Variants in ESS2 observed in about 807,000 individuals in gnomAD.
ESS2 encodes ess-2 spliceosome associated protein.
In ESS2, 31 loss-of-function variants were observed where a neutral mutation model predicts 52.0. That is an observed-to-expected ratio of 0.60 (90% CI 0.45 to 0.81). The LOEUF (loss-of-function observed/expected upper bound fraction) is 0.81, where lower values mean the gene tolerates loss of function less well. ESS2 is among the 30% of genes least tolerant of loss of function. The pLI is 0.00. For synonymous variants in ESS2, 285 were observed against 259.2 expected (o/e 1.10, Z -0.95); for missense variants, 602 against 637.2 (o/e 0.94, Z 0.59).
At position 19,134,494 on chromosome 22, in the gene ESS2, T is replaced by C. The variant is rs1601342795; in HGVS notation, c.1152-19A>G. ...GGTGAGGCTGGGGTGGAGGAATGGG[T>C]GAGAGAGGCAGGGTTAGGTGGGCTG... On this transcript the variant is annotated intron_variant, in intron 9 of 9. Coordinates refer to ENST00000252137, the MANE Select transcript of ESS2 (RefSeq NM_022719.3). 2 of 1,513,368 alleles carry C rather than the reference T, an allele frequency of 1.3e-6. 1 individual carries two copies. The highest frequency in any genetic ancestry group is 2.6e-5 in the South Asian group (2 of 77,470). The allele number at this position is 1,513,368 out of a possible 1,614,324, so 93.7% of individuals were successfully genotyped here.
Position 19,132,779 on chromosome 22 carries a change from C to T in ESS2, c.*1417G>A, listed in dbSNP as rs1042328210. On this transcript the variant is annotated 3_prime_UTR_variant, in exon 10 of 10. Coordinates refer to ENST00000252137, the MANE Select transcript of ESS2 (RefSeq NM_022719.3). This position sits in a 1 kb window ranked among gnomAD's most constrained non-coding sequence, Gnocchi z 4.2. Reference sequence around the variant, plus strand: ...CACCTGACACACAGTGGTCTCCGGCCTAGGAGCACAGGACAGATGCTCAGG... The same window carrying T: ...CACCTGACACACAGTGGTCTCCGGCTTAGGAGCACAGGACAGATGCTCAGG... 3.1e-5 allele frequency: 12 copies of T among 386,888 alleles called. No individual in the cohort carries two copies. The highest frequency in any genetic ancestry group is 5.2e-5 in the Non-Finnish European group (11 of 209,574). The allele number at this position is 386,888 out of a possible 1,614,324, so 24.0% of individuals were successfully genotyped here. A position where few individuals can be genotyped will look rare whatever the true frequency, so the allele number is the denominator to read the frequency against.
At position 19,136,818 on chromosome 22, in the gene ESS2, G is replaced by A. The variant is rs2083590118; in HGVS notation, c.1035+505C>T. ...CCTGTACTAAGTATTCTGGGGAAAG[G>A]CCCGCAGTGGTATGGGGAGGCCTGT... On this transcript the variant is annotated intron_variant, in intron 8 of 9. Transcript: ENST00000252137. 2.0e-5 allele frequency among the ~76,000 whole-genome samples: 3 copies of A among 152,108 alleles called. No homozygotes were observed. The South Asian group carries it at 6.2e-4, about 32-fold the overall frequency.
intron 5 of ESS2, 111 bp downstream of exon 5, chr22:19,139,501 A>G: frequency 1.5e-6 from 2 of 1,292,658 alleles, no homozygotes; most frequent in South Asian, 2.5e-5. Context: ...TCAGAAGCCC[A>G]AACTGCAAGG....
chr22:19,141,966 G>A (rs999918609), intron 3 of ESS2, among the ~76,000 whole-genome samples: 5 of 151,986 alleles, frequency 3.3e-5, no homozygotes, highest in African/African-American at 1.2e-4. Context: ...CTCCAGCCTG[G>A]GTGACAGAGC....
chr22:19,135,020 G>A (rs752886497), intron 9 of ESS2, 40 bp downstream of exon 9: 1 of 1,585,414 alleles, frequency 6.3e-7, no homozygotes, highest in East Asian at 2.2e-5. Flanking sequence ...GCAGGCCAGA[G>A]CCACCCTCGC....
At position 19,131,821 on chromosome 22, in the gene ESS2, A is replaced by G. The variant is rs760465767; in HGVS notation, c.*2375T>C. 6.2e-7 allele frequency: 1 copy of G among 1,613,968 alleles called. No individual in the cohort carries two copies. On this transcript the variant is annotated 3_prime_UTR_variant, in exon 10 of 10. Transcript: ENST00000252137. The surrounding 1 kb of genome is among the most constrained non-coding windows in gnomAD (Gnocchi z 5.7). Reference sequence around the variant, plus strand: ...GTCCACCGGGACCTCAAGTGCGAGAACCTTCTCCTCGACAAGGACTTCAAC... The same window carrying G: ...GTCCACCGGGACCTCAAGTGCGAGAGCCTTCTCCTCGACAAGGACTTCAAC...
At position 19,137,806 on chromosome 22, in the gene ESS2, G is replaced by A. The variant is rs565957456; in HGVS notation, c.926-374C>T. The stretch of plus-strand genomic sequence containing the variant: ...TGTGACACAGCACCAGCACCCAAGA[G>A]CACAGAGGCCAGAGTGCAGAGGGAC... On this transcript the variant is annotated intron_variant, in intron 7 of 9. Transcript: ENST00000252137. 16 of 985,370 alleles carry A rather than the reference G, an allele frequency of 1.6e-5. No homozygotes were observed. In the South Asian group the frequency reaches 6.1e-4, roughly 38 times the overall value. The allele number at this position is 985,370 out of a possible 1,614,324, so 61.0% of individuals were successfully genotyped here. A position where few individuals can be genotyped will look rare whatever the true frequency, so the allele number is the denominator to read the frequency against.
At position 19,130,825 on chromosome 22, in the gene ESS2, C is replaced by G. The variant is rs2083499398; in HGVS notation, c.*3371G>C. 1 of 190,964 alleles carries G rather than the reference C, an allele frequency of 5.2e-6. No individual in the cohort carries two copies. Among genetic ancestry groups the G allele is most frequent in the South Asian group, 9.7e-5 (1 of 10,330 alleles). The allele number at this position is 190,964 out of a possible 1,614,324, so 11.8% of individuals were successfully genotyped here. A position where few individuals can be genotyped will look rare whatever the true frequency, so the allele number is the denominator to read the frequency against. The stretch of plus-strand genomic sequence containing the variant: ...CTATGTGCTCAATGGTAAGGCAGTG[C>G]TGTGGAAATCTGTCTGTGTAACTGG... On this transcript the variant is annotated 3_prime_UTR_variant, in exon 10 of 10. Transcript: ENST00000252137.
Position 19,130,310 on chromosome 22 carries a change from G to T in ESS2, c.*3886C>A, listed in dbSNP as rs1276043690. 4 of 163,482 alleles carry T rather than the reference G, an allele frequency of 2.4e-5. No individual in the cohort carries two copies. Among genetic ancestry groups the T allele is most frequent in the Admixed American group, 6.5e-5 (1 of 15,454 alleles). 10.1% of individuals were successfully genotyped at this position (163,482 alleles called of 1,614,324 possible). Reference sequence around the variant, plus strand: ...AGAAGGGAGTTTATCACTGTAACTGGATACAGGGAGAAGGCTGGAGATAAT... The same window carrying T: ...AGAAGGGAGTTTATCACTGTAACTGTATACAGGGAGAAGGCTGGAGATAAT... On this transcript the variant is annotated 3_prime_UTR_variant, in exon 10 of 10. Coordinates refer to ENST00000252137, the MANE Select transcript of ESS2 (RefSeq NM_022719.3).
intron 6 of ESS2, 100 bp downstream of exon 6, chr22:19,139,058 AC>A: frequency 4.2e-6 from 6 of 1,440,004 alleles, no homozygotes; most frequent in Non-Finnish European, 5.5e-6. Context: ...GGTTCCACTC[AC>A]TGAGCTCTGC....
At chr22:19,139,556 G>C (rs1337330961) in intron 5 of ESS2, 56 bp downstream of exon 5, 1 of 1,528,770 alleles carries the variant, frequency 6.5e-7, no homozygotes, top group Non-Finnish European at 9.1e-7. Flanking sequence ...AACACAGCCA[G>C]ACACACACAG....
chr22:19,136,429 T>A (rs1037302943), intron 8 of ESS2, among the ~76,000 whole-genome samples: 1 of 152,142 alleles, frequency 6.6e-6, no homozygotes, highest in Non-Finnish European at 1.5e-5. Flanking sequence ...TGTTTTTACA[T>A]GTAACCTTTT....
Position 19,139,721 on chromosome 22 carries a change from T to C in ESS2, c.579A>G (p.Lys193=), listed in dbSNP as rs2083650370. The change falls in exon 5 of 10, where the codon AAA becomes AAG. Residue 193 remains lysine, a synonymous_variant. Coordinates refer to ENST00000252137, the MANE Select transcript of ESS2 (RefSeq NM_022719.3). ...CTGCTGACGGGAGTTCGAGATTATC[T>C]TTCTGCCTCTGCAATCACATGGGGA... ...QAEEEFEKRQ[K]DNLELPSAEH... 6.2e-7 allele frequency: 1 copy of C among 1,614,194 alleles called. No individual in the cohort carries two copies. Among genetic ancestry groups the C allele is most frequent in the Non-Finnish European group, 8.5e-7 (1 of 1,180,026 alleles).
rs992648985 is a variant in ESS2, at chr22:19,130,658, G to A, written c.*3538C>T. ...ACTTGTCTTCAGATTTTGTCGACCC[G>A]AGATGGGTCCTGGCACTAGGAATGT... On this transcript the variant is annotated 3_prime_UTR_variant, in exon 10 of 10. Coordinates refer to ENST00000252137, the MANE Select transcript of ESS2 (RefSeq NM_022719.3). 4.3e-5 allele frequency: 13 copies of A among 302,886 alleles called. 1 individual carries two copies. The highest frequency in any genetic ancestry group is 1.1e-4 in the African/African-American group (5 of 44,330). 18.8% of individuals were successfully genotyped at this position (302,886 alleles called of 1,614,324 possible). A position where few individuals can be genotyped will look rare whatever the true frequency, so the allele number is the denominator to read the frequency against.
intron 8 of ESS2, among the ~76,000 whole-genome samples, chr22:19,136,698 C>T (rs2083588030): frequency 6.6e-6 from 1 of 152,174 alleles, no homozygotes. Context: ...TTCATTATCC[C>T]TCTCGCACGT....
intron 3 of ESS2, among the ~76,000 whole-genome samples, chr22:19,140,879 CCTTT>C (rs1223011414): frequency 6.6e-6 from 1 of 152,214 alleles, no homozygotes; most frequent in East Asian, 1.9e-4. Context: ...GAAGTGACTG[CCTTT>C]CTGAGCCTCA....
Position 19,144,510 on chromosome 22 carries a change from A to G in ESS2, c.131T>C (p.Ile44Thr), listed in dbSNP as rs2083750832. ...KQRVLDEEEYIEGLQTVIQRD... is the reference protein window; with the variant it reads ...KQRVLDEEEYTEGLQTVIQRD... ...GCGTCCGCACCGAGGTCGTACCTCGATATACTCTTCCTCGTCCAGGACCCG... is the reference window on the plus strand; with the variant it reads ...GCGTCCGCACCGAGGTCGTACCTCGGTATACTCTTCCTCGTCCAGGACCCG... Residue 44 changes from isoleucine (I) to threonine (T), a missense_variant, in exon 1 of 10, where the codon ATC becomes ACC. Ile to Thr is a moderately conservative substitution (Grantham distance 89). Transcript: ENST00000252137. The G allele has an allele frequency of 6.2e-7, 1 of 1,611,116 alleles. No individual in the cohort carries two copies. Among genetic ancestry groups the G allele is most frequent in the Non-Finnish European group, 8.5e-7 (1 of 1,179,066 alleles).
chr22:19,143,455 C>A (rs1489764298), intron 1 of ESS2, among the ~76,000 whole-genome samples: 1 of 152,212 alleles, frequency 6.6e-6, no homozygotes, highest in East Asian at 1.9e-4. Context: ...TTCTCTCTCG[C>A]CCTTGCTAAC....
At chr22:19,141,075 A>C (rs1013629847) in intron 3 of ESS2, among the ~76,000 whole-genome samples, 1 of 151,948 alleles carries the variant, frequency 6.6e-6, no homozygotes, top group Non-Finnish European at 1.5e-5. Flanking sequence ...TGAGCTCAGA[A>C]GTTTAAAACC....
Sources: allele counts gnomAD v4.1 joint callset (sites outside exome capture counted in the v4.1 genomes callset), GRCh38; gene constraint gnomAD v4.1.1; non-coding constraint Gnocchi (gnomAD v3.1); transcripts MANE v1.5; gene names NCBI Gene and HGNC (gene_info 2026-07-23, HGNC 2026-07-21).